PATJ: variants seen among roughly 807,000 people sequenced by gnomAD.
PATJ encodes the protein PATJ crumbs cell polarity complex component.
Under a neutral mutation model 224.9 loss-of-function variants are expected in PATJ, and 190 were observed. The ratio of observed to expected loss-of-function variants is 0.84; its 90% confidence interval spans 0.75 to 0.95. The LOEUF is 0.95. Ranked by LOEUF, PATJ falls within the 40% of genes least tolerant of loss-of-function variation. The pLI is 0.00. For synonymous variants in PATJ, 769 were observed against 820.3 expected, an observed-to-expected ratio of 0.94 and a Z score of 1.07; for missense variants, 2,121 against 2,270.3, an observed-to-expected ratio of 0.93 and a Z score of 1.34.
chr1:61,907,558 G>C (rs1003787065), intron 24 of PATJ, among the ~76,000 whole-genome samples: 1 of 151,956 alleles, frequency 6.6e-6, no homozygotes, highest in African/African-American at 2.4e-5. Context: ...TATCATTATT[G>C]CTGTAATATT....
chr1:62,158,756 T>C (rs6587956), intron 43 of PATJ, among the ~76,000 whole-genome samples: 105,116 of 138,548 alleles, frequency 0.76, 40,367 homozygotes, highest in African/African-American at 0.85. Context: ...CGAGACCAGC[T>C]TGGCCAACAT....
intron 28 of PATJ, among the ~76,000 whole-genome samples, chr1:62,005,266 G>A (rs545263355): frequency 6.6e-4 from 100 of 152,018 alleles, no homozygotes; most frequent in Non-Finnish European, 7.4e-4. Context: ...TTCCTGAGTG[G>A]CCAGGCTGGT....
intron 14 of PATJ, 54 bp from the exon 15 acceptor site, chr1:61,822,891 A>C (rs1363662287): frequency 6.2e-7 from 1 of 1,605,500 alleles, no homozygotes; most frequent in African/African-American, 1.3e-5. Flanking sequence ...ATGGAGGATG[A>C]ATAGCCGGAT....
At chr1:61,856,353 G>A (rs939103114) in intron 18 of PATJ, 114 bp downstream of exon 18, 10 of 778,796 alleles carry the variant, frequency 1.3e-5, no homozygotes, top group Admixed American at 7.3e-5. Flanking sequence ...TTTACTATGT[G>A]TGTGACCTTG....
intron 33 of PATJ, among the ~76,000 whole-genome samples, chr1:62,093,320 A>G (rs1280397720): frequency 6.6e-6 from 1 of 152,186 alleles, no homozygotes; most frequent in South Asian, 2.1e-4. Flanking sequence ...GCATTCTGGT[A>G]CTGCTTTTGA....
At chr1:61,806,605 C>T (rs974863680) in intron 13 of PATJ, among the ~76,000 whole-genome samples, 6 of 144,778 alleles carry the variant, frequency 4.1e-5, no homozygotes, top group Non-Finnish European at 6.0e-5. Context: ...GGTGACAGAG[C>T]GAGATTCCGC....
intron 28 of PATJ, among the ~76,000 whole-genome samples, chr1:61,998,063 AATAT>A (rs1438100579): frequency 7.5e-6 from 1 of 133,082 alleles, no homozygotes; most frequent in Non-Finnish European, 1.6e-5. Flanking sequence ...ATATATAATA[AATAT>A]ATATTATATA....
intron 31 of PATJ, among the ~76,000 whole-genome samples, chr1:62,067,746 T>C (rs1204173338): frequency 1.3e-5 from 2 of 152,358 alleles, no homozygotes; most frequent in East Asian, 3.9e-4. Context: ...GTTGTTTGTC[T>C]GATGGGCATA....
At position 62,144,777 on chromosome 1, in the gene PATJ, A is replaced by AAAAT. The variant is rs377489788; in HGVS notation, c.5272-3506_5272-3505insAATA. 4.0e-3 allele frequency among the ~76,000 whole-genome samples: 471 copies of AAAAT among 119,108 alleles called. 8 individuals carry two copies. Among genetic ancestry groups the AAAAT allele is most frequent in the African/African-American group, 0.014 (404 of 29,322 alleles). 78.1% of individuals were successfully genotyped at this position (119,108 alleles called of 152,430 possible). A position where few individuals can be genotyped will look rare whatever the true frequency, so the allele number is the denominator to read the frequency against. On this transcript the variant is annotated intron_variant, in intron 41 of 43. Transcript: ENST00000642238. ...TAGAATGTTATTTGCAAAAAAAAAA[A>AAAAT]ATATATATATATATATATAATTAGC...
chr1:61,925,875 A>G (rs377376110), intron 26 of PATJ, among the ~76,000 whole-genome samples: 23 of 152,326 alleles, frequency 1.5e-4, no homozygotes, highest in African/African-American at 4.8e-4. Flanking sequence ...CAATTTAGAT[A>G]CAAAACTGGT....
At chr1:62,157,529 A>G (rs1422211334) in intron 43 of PATJ, among the ~76,000 whole-genome samples, 1 of 148,696 alleles carries the variant, frequency 6.7e-6, no homozygotes, top group Non-Finnish European at 1.5e-5. Flanking sequence ...ATCCGGTTGA[A>G]AACTTAAAAA....
At chr1:61,924,166 A>C (rs1674771303) in intron 26 of PATJ, among the ~76,000 whole-genome samples, 1 of 152,000 alleles carries the variant, frequency 6.6e-6, no homozygotes, top group Non-Finnish European at 1.5e-5. Context: ...ACAGGAGTTC[A>C]AGACCAGCCT....
chr1:62,139,325 G>A (rs190832458), intron 41 of PATJ, among the ~76,000 whole-genome samples: 25 of 147,216 alleles, frequency 1.7e-4, no homozygotes, highest in Non-Finnish European at 2.7e-4. Flanking sequence ...GCCTGAATCC[G>A]GGAGGCAGAG....
intron 27 of PATJ, among the ~76,000 whole-genome samples, chr1:61,953,891 G>A (rs1053258487): frequency 2.0e-5 from 3 of 152,096 alleles, no homozygotes; most frequent in African/African-American, 7.2e-5. Flanking sequence ...ACTTGAAGTC[G>A]CCACTGTCCA....
intron 25 of PATJ, among the ~76,000 whole-genome samples, chr1:61,911,502 C>T (rs570255198): frequency 6.6e-6 from 1 of 152,024 alleles, no homozygotes; most frequent in South Asian, 2.1e-4. Flanking sequence ...GCCACCAATA[C>T]ACCTTTTAAA....
intron 28 of PATJ, 98 bp from the exon 29 acceptor site, chr1:62,017,758 G>C: frequency 1.9e-6 from 1 of 516,782 alleles, no homozygotes; most frequent in Non-Finnish European, 3.3e-6. Flanking sequence ...GAAAAGAAAA[G>C]AAAAGAAATT....
intron 31 of PATJ, chr1:62,073,440 T>A (rs1245687527): frequency 4.9e-6 from 2 of 409,744 alleles, no homozygotes; most frequent in Admixed American, 6.4e-5. Context: ...CTGGCCAACA[T>A]AGCAAGTCTG....
chr1:61,905,728 G>A (rs1671761471), intron 24 of PATJ, among the ~76,000 whole-genome samples: 1 of 152,132 alleles, frequency 6.6e-6, no homozygotes, highest in Non-Finnish European at 1.5e-5. Context: ...CAATGTGTAA[G>A]TTTCTCCATA....
intron 41 of PATJ, among the ~76,000 whole-genome samples, chr1:62,134,960 G>C (rs1666668641): frequency 6.6e-6 from 1 of 151,220 alleles, no homozygotes; most frequent in South Asian, 2.1e-4. Flanking sequence ...AAATGGAAAA[G>C]GTGTGTCATT....
Sources: gnomAD v4.1 joint callset for allele counts (sites outside exome capture counted in the v4.1 genomes callset) on GRCh38, gnomAD v4.1.1 for gene constraint, MANE v1.5 for transcripts, NCBI Gene and HGNC (gene_info 2026-07-23, HGNC 2026-07-21) for gene names.